The following FLT1 variants were observed in gnomAD, a reference collection of about 807,000 sequenced individuals.
The protein encoded by FLT1 is vascular endothelial growth factor receptor 1.
In FLT1, 49 loss-of-function variants were observed where a neutral mutation model predicts 156.3. The observed-to-expected ratio is 0.31, with a 90% CI of 0.25 to 0.40. The LOEUF (loss-of-function observed/expected upper bound fraction) is 0.40, where lower values mean the gene tolerates loss of function less well. Ranked by LOEUF, FLT1 falls within the 10% of genes least tolerant of loss-of-function variation. The pLI is 1.00. For missense variants in FLT1, 1,322 were observed against 1,637.2 expected (o/e 0.81, Z 3.32); for synonymous variants, 594 against 583.8 (o/e 1.02, Z -0.25).
intron 14 of FLT1, among the ~76,000 whole-genome samples, chr13:28,373,142 C>G (rs1394382551): frequency 1.3e-5 from 2 of 152,100 alleles, no homozygotes; most frequent in East Asian, 3.9e-4. Flanking sequence ...AAATCAAAAC[C>G]CATTCAGTCA....
intron 12 of FLT1, among the ~76,000 whole-genome samples, chr13:28,393,859 T>C (rs1175492173): frequency 6.6e-6 from 1 of 152,186 alleles, no homozygotes; most frequent in Non-Finnish European, 1.5e-5. Flanking sequence ...AGTGCTGGGA[T>C]GACAGGCGTG....
At chr13:28,309,000 C>A in intron 27 of FLT1, 73 bp from the exon 28 acceptor site, 1 of 837,824 alleles carries the variant, frequency 1.2e-6, no homozygotes, top group Non-Finnish European at 2.1e-6. Context: ...AGACCACAGG[C>A]ACCATATCCC....
intron 10 of FLT1, among the ~76,000 whole-genome samples, chr13:28,408,778 C>G (rs1401487927): frequency 6.6e-6 from 1 of 152,178 alleles, no homozygotes; most frequent in African/African-American, 2.4e-5. Flanking sequence ...CTCAGCTCGG[C>G]GCTGTCCTCT....
chr13:28,476,924 G>T (rs1314698076), intron 1 of FLT1, among the ~76,000 whole-genome samples: 1 of 151,958 alleles, frequency 6.6e-6, no homozygotes, highest in Non-Finnish European at 1.5e-5. Flanking sequence ...TGGCACAAAA[G>T]ACATCACAGT....
At chr13:28,386,790 ATAT>A (rs1874391785) in intron 13 of FLT1, 2 of 1,053,542 alleles carry the variant, frequency 1.9e-6, no homozygotes, top group African/African-American at 3.3e-5. Flanking sequence ...GAACAGTATC[ATAT>A]TATTATTTAG....
At chr13:28,352,754 A>G (rs1872768189) in intron 15 of FLT1, among the ~76,000 whole-genome samples, 1 of 152,200 alleles carries the variant, frequency 6.6e-6, no homozygotes, top group Non-Finnish European at 1.5e-5. Flanking sequence ...GAGGTGTAAC[A>G]TCAATCCCCA....
intron 10 of FLT1, among the ~76,000 whole-genome samples, chr13:28,411,975 C>T (rs1462171482): frequency 5.3e-5 from 8 of 151,982 alleles, no homozygotes; most frequent in African/African-American, 7.3e-5. Context: ...TTGTACTGCA[C>T]GTGCTAACTG....
chr13:28,343,144 G>A (rs1872408830), intron 16 of FLT1, among the ~76,000 whole-genome samples: 1 of 151,964 alleles, frequency 6.6e-6, no homozygotes, highest in African/African-American at 2.4e-5. Context: ...CATCACACCC[G>A]GCTTATTTTT....
At chr13:28,368,540 T>TATGATGATG (rs138306957) in intron 14 of FLT1, 3 of 1,535,726 alleles carry the variant, frequency 2.0e-6, no homozygotes, top group Non-Finnish European at 2.6e-6. Context: ...AAATGGTAGC[T>TATGATGATG]ATGATGATGA....
At chr13:28,316,425 A>C (rs1871207206) in intron 25 of FLT1, among the ~76,000 whole-genome samples, 2 of 152,234 alleles carry the variant, frequency 1.3e-5, no homozygotes, top group African/African-American at 4.8e-5. Flanking sequence ...AGGGAGGCCC[A>C]AGTCCTTGTC....
rs10591691 is a variant in FLT1, at chr13:28,313,908, A to AG, written c.3387-1811_3387-1810insC. Among the ~76,000 whole-genome samples the AG allele has an allele frequency of 4.2e-5, 6 of 143,704 alleles. No individual in the cohort carries two copies. The East Asian group carries it at 1.0e-3, about 24-fold the overall frequency. The allele number at this position is 143,704 out of a possible 152,430, so 94.3% of individuals were successfully genotyped here. On this transcript the variant is annotated intron_variant, in intron 25 of 29. Transcript: ENST00000282397. ...GGAGGTAAAAAAAAAAAAAAAAAAA[A>AG]AGAAGAATCCGGGTGTGGTGGCTCA...
chr13:28,312,667 A>C (rs1871053272), intron 25 of FLT1, among the ~76,000 whole-genome samples: 1 of 152,146 alleles, frequency 6.6e-6, no homozygotes, highest in African/African-American at 2.4e-5. Context: ...TGGGCTCAGC[A>C]GTGGAGACTG....
At chr13:28,447,117 A>G (rs1233419474) in intron 3 of FLT1, among the ~76,000 whole-genome samples, 1 of 144,044 alleles carries the variant, frequency 6.9e-6, no homozygotes, top group East Asian at 2.0e-4. Context: ...ACAAATATTA[A>G]CCAAAAACTG....
chr13:28,375,739 C>T (rs1244569723), intron 14 of FLT1, among the ~76,000 whole-genome samples: 3 of 152,204 alleles, frequency 2.0e-5, no homozygotes, highest in Non-Finnish European at 2.9e-5. Flanking sequence ...GCTAATCACA[C>T]CAGCAGATCA....
intron 13 of FLT1, chr13:28,385,495 G>A: frequency 3.0e-6 from 3 of 1,009,860 alleles, no homozygotes; most frequent in Non-Finnish European, 3.6e-6. Flanking sequence ...GCGTGTTTGT[G>A]TTACTCAACT....
chr13:28,488,003 G>A (rs567153162), intron 1 of FLT1, among the ~76,000 whole-genome samples: 16 of 151,322 alleles, frequency 1.1e-4, no homozygotes, highest in South Asian at 4.2e-4. Flanking sequence ...AGCAGAAGGC[G>A]GCATGAGACC....
chr13:28,430,874 A>G (rs1170321298), intron 7 of FLT1, among the ~76,000 whole-genome samples: 1 of 152,224 alleles, frequency 6.6e-6, no homozygotes, highest in African/African-American at 2.4e-5. Context: ...AGAATTTCAT[A>G]AATATATTAG....
chr13:28,457,940 T>C (rs189314814), intron 3 of FLT1, among the ~76,000 whole-genome samples: 10 of 144,422 alleles, frequency 6.9e-5, no homozygotes, highest in Non-Finnish European at 1.4e-4. Flanking sequence ...TTTCTTTTTT[T>C]TTTTTTTTTT....
chr13:28,327,438 A>G (rs189301257), intron 20 of FLT1, 24 bp downstream of exon 20: 1 of 1,447,194 alleles, frequency 6.9e-7, no homozygotes, highest in Admixed American at 1.7e-5. Flanking sequence ...ATCTTTAAAA[A>G]CCTCCAACTT....
Sources: gnomAD v4.1 joint callset for allele counts (sites outside exome capture counted in the v4.1 genomes callset) on GRCh38, gnomAD v4.1.1 for gene constraint, MANE v1.5 for transcripts, NCBI Gene and HGNC (gene_info 2026-07-23, HGNC 2026-07-21) for gene names.